DNM2: variants seen among roughly 807,000 people sequenced by gnomAD.
DNM2 encodes the protein dynamin-2.
A neutral mutation model predicts 99.0 loss-of-function variants in DNM2; 15 were observed. That is an observed-to-expected ratio of 0.15 (90% CI 0.10 to 0.23). The LOEUF (loss-of-function observed/expected upper bound fraction) is 0.23, where lower values mean the gene tolerates loss of function less well. Among genes scored for constraint, DNM2 ranks in the 10% least tolerant of loss-of-function variants. DNM2 has a pLI of 1.00. For synonymous variants in DNM2, 525 were observed against 481.2 expected (o/e 1.09, Z -1.19); for missense variants, 742 against 1,189.4 (o/e 0.62, Z 5.53).
rs145437344 is a variant in DNM2 at position 10,757,709 on chromosome 19, C to T, written c.162-2029C>T. Among the ~76,000 whole-genome samples the T allele has an allele frequency of 4.9e-4, 75 of 152,188 alleles. No individual in the cohort carries two copies. In the Middle Eastern group the frequency reaches 0.01, roughly 21 times the overall value. ...CCTGTAAACCCAGCACTTTGGGAGG[C>T]CAAGGCGGGCAGATCACCTGAGGTT... On this transcript the variant is annotated intron_variant, in intron 1 of 20. Transcript: ENST00000389253.
intron 12 of DNM2, chr19:10,802,656 C>T (rs1461144808): frequency 4.2e-6 from 2 of 473,506 alleles, no homozygotes; most frequent in Non-Finnish European, 7.8e-6. Flanking sequence ...TGCACCCCCT[C>T]TCCTTCAGGA....
rs1000521539 is a variant in DNM2 at position 10,811,606 on chromosome 19, A to T, written c.1558-658A>T. On this transcript the variant is annotated intron_variant, in intron 14 of 20. Coordinates refer to ENST00000389253, the MANE Select transcript of DNM2 (RefSeq NM_001005361.3). This position sits in a 1 kb window ranked among gnomAD's most constrained non-coding sequence, Gnocchi z 5.4. ...GTGGGGTGGGGGGCTCTGCCCACAC[A>T]TGCCTCCAGCGGCCAGGGAGCATGG... The T allele has an allele frequency of 1.4e-5, 6 of 438,846 alleles. No individual in the cohort carries two copies. Among genetic ancestry groups the T allele is most frequent in the African/African-American group, 1.0e-4 (5 of 49,816 alleles). 27.2% of individuals were successfully genotyped at this position (438,846 alleles called of 1,614,324 possible). A position where few individuals can be genotyped will look rare whatever the true frequency, so the allele number is the denominator to read the frequency against.
At chr19:10,824,019 T>A in intron 17 of DNM2, 120 bp downstream of exon 17, 2 of 904,808 alleles carry the variant, frequency 2.2e-6, no homozygotes, top group Non-Finnish European at 3.5e-6. Context: ...TGAAATCATG[T>A]AGCAGATGCC....
At position 10,811,431 on chromosome 19, in the gene DNM2, CT is replaced by C. The variant is rs2072539921; in HGVS notation, c.1558-832del. The C allele has an allele frequency of 2.9e-6, 1 of 339,774 alleles. No individual in the cohort carries two copies. Among genetic ancestry groups the C allele is most frequent in the Non-Finnish European group, 5.8e-6 (1 of 171,056 alleles). The allele number at this position is 339,774 out of a possible 1,614,324, so 21.0% of individuals were successfully genotyped here. A position where few individuals can be genotyped will look rare whatever the true frequency, so the allele number is the denominator to read the frequency against. ...GTGCCGTGCCCTGCCATGCCCTGCA[CT>C]GGGGGATGCAGGCCAGCCCTTCGCA... On this transcript the variant is annotated intron_variant, in intron 14 of 20. Coordinates refer to ENST00000389253, the MANE Select transcript of DNM2 (RefSeq NM_001005361.3). This position sits in a 1 kb window ranked among gnomAD's most constrained non-coding sequence, Gnocchi z 5.4.
intron 3 of DNM2, among the ~76,000 whole-genome samples, chr19:10,774,011 C>T (rs554017992): frequency 7.9e-4 from 120 of 152,268 alleles, no homozygotes; most frequent in Non-Finnish European, 1.4e-3. Flanking sequence ...GGGTTCCTTG[C>T]GATAAGTTTT....
chr19:10,783,066 C>A lies in DNM2; in HGVS notation c.795C>A (p.Tyr265Ter). ...AGTTCTTCCTCTCCCACCCGGCCTA[C>A]CGGCACATGGCCGACCGCATGGGCA... ...ERKFFLSHPA[Y>*]RHMADRMGTP... Residue 265 changes from tyrosine to a stop codon, truncating the protein, a stop_gained, in exon 6 of 21, where the codon TAC becomes TAA. Transcript: ENST00000389253. LOFTEE classifies it high-confidence loss of function. 6.2e-7 allele frequency: 1 copy of A among 1,613,898 alleles called. No homozygotes were observed. The highest frequency in any genetic ancestry group is 8.5e-7 in the Non-Finnish European group (1 of 1,180,050).
At position 10,817,157 on chromosome 19, in the gene DNM2, C is replaced by T. The variant is rs1438890167; in HGVS notation, c.1672-2823C>T. Among the ~76,000 whole-genome samples the T allele has an allele frequency of 6.6e-6, 1 of 152,212 alleles. No individual in the cohort carries two copies. Among genetic ancestry groups the T allele is most frequent in the Non-Finnish European group, 1.5e-5 (1 of 68,028 alleles). On this transcript the variant is annotated intron_variant, in intron 15 of 20. Transcript: ENST00000389253. The surrounding 1 kb of genome is among the most constrained non-coding windows in gnomAD (Gnocchi z 4.6). Reference sequence around the variant, plus strand: ...CACCCTCTTAGATGCCTCAGTGAGACACAAGACATCAATATCTCTTTATTT... The same window carrying T: ...CACCCTCTTAGATGCCTCAGTGAGATACAAGACATCAATATCTCTTTATTT...
chr19:10,777,915 A>G (rs1205270573), intron 5 of DNM2, among the ~76,000 whole-genome samples: 4 of 151,476 alleles, frequency 2.6e-5, no homozygotes, highest in African/African-American at 9.7e-5. Context: ...ATTTTCAAAC[A>G]TTCCCAAAAG....
intron 1 of DNM2, among the ~76,000 whole-genome samples, chr19:10,756,216 GT>G (rs2070378285): frequency 6.6e-6 from 1 of 152,002 alleles, no homozygotes; most frequent in Non-Finnish European, 1.5e-5. Flanking sequence ...CCCTCGTTCA[GT>G]TCACTCCGCC....
chr19:10,764,469 T>C lies in DNM2; in HGVS notation c.235+4658T>C, dbSNP rs1199533187. 6.6e-6 allele frequency among the ~76,000 whole-genome samples: 1 copy of C among 152,166 alleles called. No homozygotes were observed. The highest frequency in any genetic ancestry group is 1.5e-5 in the Non-Finnish European group (1 of 68,020). Reference sequence around the variant, plus strand: ...CCTAAGACCATAACCACCAGGAAGTTTGGTGGCCCATGAGTGAACCCTGCC... The same window carrying C: ...CCTAAGACCATAACCACCAGGAAGTCTGGTGGCCCATGAGTGAACCCTGCC... On this transcript the variant is annotated intron_variant, in intron 2 of 20. Coordinates refer to ENST00000389253, the MANE Select transcript of DNM2 (RefSeq NM_001005361.3). The surrounding 1 kb of genome is among the most constrained non-coding windows in gnomAD (Gnocchi z 4.1).
chr19:10,792,065 G>C (rs925482457), intron 7 of DNM2, among the ~76,000 whole-genome samples: 9 of 152,168 alleles, frequency 5.9e-5, no homozygotes, highest in Non-Finnish European at 1.2e-4. Context: ...TCCAGCTTGG[G>C]CGACAGAGTG....
intron 2 of DNM2, among the ~76,000 whole-genome samples, chr19:10,769,848 C>T (rs1377971227): frequency 1.3e-5 from 2 of 152,132 alleles, no homozygotes; most frequent in Non-Finnish European, 2.9e-5. Context: ...CCTCAGTCAT[C>T]GGAGCCCACT....
Position 10,817,564 on chromosome 19 carries a change from C to G in DNM2, c.1672-2416C>G. The G allele has an allele frequency of 2.5e-6, 1 of 404,698 alleles. No individual in the cohort carries two copies. Among genetic ancestry groups the G allele is most frequent in the Non-Finnish European group, 5.0e-6 (1 of 198,224 alleles). The allele number at this position is 404,698 out of a possible 1,614,324, so 25.1% of individuals were successfully genotyped here. A position where few individuals can be genotyped will look rare whatever the true frequency, so the allele number is the denominator to read the frequency against. On this transcript the variant is annotated intron_variant, in intron 15 of 20. Coordinates refer to ENST00000389253, the MANE Select transcript of DNM2 (RefSeq NM_001005361.3). The surrounding 1 kb of genome is among the most constrained non-coding windows in gnomAD (Gnocchi z 4.6). ...GGGGCCACCAGGCCAGGCCGTGCCT[C>G]AGCACCTCTGAGCAGCCAAGGAAAC...
chr19:10,770,269 G>A (rs997463645), intron 2 of DNM2, among the ~76,000 whole-genome samples: 43 of 152,066 alleles, frequency 2.8e-4, no homozygotes, highest in African/African-American at 1.0e-3. Context: ...TATTCACGTC[G>A]CCAGGTCTCC....
chr19:10,783,135 T>C lies in DNM2; in HGVS notation c.849+15T>C. ...CGCTGAATCAGGTACTGCAAGGGTT[T>C]GCACGTAGTGTGCAGTGGCATAGGC... On this transcript the variant is annotated intron_variant, in intron 6 of 20. Transcript: ENST00000389253. The C allele has an allele frequency of 6.2e-7, 1 of 1,607,992 alleles. No homozygotes were observed. Among genetic ancestry groups the C allele is most frequent in the Non-Finnish European group, 8.5e-7 (1 of 1,180,010 alleles).
At chr19:10,752,416 G>C (rs568424835) in intron 1 of DNM2, among the ~76,000 whole-genome samples, 1 of 152,206 alleles carries the variant, frequency 6.6e-6, no homozygotes, top group African/African-American at 2.4e-5. Context: ...GTGATTGTCC[G>C]TTGTCTGAGC....
intron 1 of DNM2, among the ~76,000 whole-genome samples, chr19:10,731,355 T>TTC (rs2069309502): frequency 9.5e-6 from 1 of 104,874 alleles, no homozygotes; most frequent in African/African-American, 4.0e-5. Context: ...CTTTTCCTTC[T>TTC]TTTTTTTTTT....
At chr19:10,800,907 G>A (rs1398964370) in intron 11 of DNM2, among the ~76,000 whole-genome samples, 2 of 152,258 alleles carry the variant, frequency 1.3e-5, no homozygotes, top group Non-Finnish European at 2.9e-5. Flanking sequence ...GAGCGTGTGT[G>A]TGTGTGCGCG....
chr19:10,742,912 T>C (rs1222066083), intron 1 of DNM2, among the ~76,000 whole-genome samples: 1 of 149,030 alleles, frequency 6.7e-6, no homozygotes, highest in African/African-American at 2.5e-5. Flanking sequence ...TGTTTTTCTT[T>C]CTTTTTTTTT....
Sources: gnomAD v4.1 joint callset for allele counts (sites outside exome capture counted in the v4.1 genomes callset) on GRCh38, gnomAD v4.1.1 for gene constraint, Gnocchi (gnomAD v3.1) non-coding constraint, MANE v1.5 for transcripts, NCBI Gene and HGNC (gene_info 2026-07-23, HGNC 2026-07-21) for gene names.